Variants in CRHR1 observed in about 807,000 individuals in gnomAD.
The protein encoded by CRHR1 is corticotropin-releasing hormone receptor 1.
In CRHR1, 28 loss-of-function variants were observed where a neutral mutation model predicts 56.0. That is an observed-to-expected ratio of 0.50 (90% CI 0.37 to 0.69). CRHR1 has a LOEUF of 0.69. Among genes scored for constraint, CRHR1 ranks in the 30% least tolerant of loss-of-function variants. CRHR1 has a pLI of 0.00. For missense variants in CRHR1, 376 were observed against 548.0 expected, an observed-to-expected ratio of 0.69 and a Z score of 3.13; for synonymous variants, 195 against 216.5, an observed-to-expected ratio of 0.90 and a Z score of 0.87.
intron 2 of CRHR1, 96 bp from the exon 3 acceptor site, chr17:45,816,367 G>C: frequency 6.5e-7 from 1 of 1,528,552 alleles, no homozygotes; most frequent in Non-Finnish European, 8.8e-7. Context: ...GAGTGGGAAC[G>C]AGTGGGGAGG....
intron 2 of CRHR1, among the ~76,000 whole-genome samples, chr17:45,811,855 C>G (rs1468599722): frequency 1.3e-5 from 2 of 152,186 alleles, no homozygotes; most frequent in Non-Finnish European, 2.9e-5. Flanking sequence ...CACTGGTTAA[C>G]AGAAATGTGT....
intron 1 of CRHR1, among the ~76,000 whole-genome samples, chr17:45,794,464 G>T (rs920572848): frequency 3.3e-5 from 5 of 152,226 alleles, no homozygotes; most frequent in African/African-American, 1.2e-4. Flanking sequence ...CACACAGCCT[G>T]CCCCTCCTGC....
chr17:45,799,086 C>T (rs978174619), intron 1 of CRHR1, among the ~76,000 whole-genome samples: 2 of 152,206 alleles, frequency 1.3e-5, no homozygotes, highest in Admixed American at 6.5e-5. Context: ...AGAAAGGACC[C>T]CTGGCATCTC....
At chr17:45,830,276 G>C in intron 6 of CRHR1, 62 bp downstream of exon 6, 2 of 1,237,188 alleles carry the variant, frequency 1.6e-6, no homozygotes, top group East Asian at 4.5e-5. Flanking sequence ...GGAGGGGCCC[G>C]CCTGCCCTGC....
At chr17:45,808,107 C>T (rs551737358) in intron 2 of CRHR1, among the ~76,000 whole-genome samples, 20 of 152,334 alleles carry the variant, frequency 1.3e-4, no homozygotes, top group Middle Eastern at 6.8e-3. Context: ...GCACCTACTA[C>T]ACAGCAGGCC....
rs752747335 is a variant in CRHR1, at chr17:45,830,407, G to C, written c.556-10G>C. ...CCCATCATCATCTCTGGTTGGGGGT[G>C]GGGTGGCAGGGCTGGTGCAGGTTGG... On this transcript the variant is annotated splice_polypyrimidine_tract_variant and intron_variant, in intron 6 of 12. Transcript: ENST00000314537. 1 of 1,599,606 alleles carries C rather than the reference G, an allele frequency of 6.3e-7. No individual in the cohort carries two copies.
chr17:45,824,445 A>G (rs1445426540), intron 4 of CRHR1, among the ~76,000 whole-genome samples: 1 of 152,074 alleles, frequency 6.6e-6, no homozygotes, highest in Non-Finnish European at 1.5e-5. Flanking sequence ...CTCCTGCTCT[A>G]TTGCAAGCCC....
chr17:45,796,883 C>A (rs949726956), intron 1 of CRHR1, among the ~76,000 whole-genome samples: 2 of 152,108 alleles, frequency 1.3e-5, no homozygotes, highest in Non-Finnish European at 2.9e-5. Context: ...AGGCAGGAGG[C>A]CGAGAAGGCA....
At chr17:45,786,752 C>T (rs915189237) in intron 1 of CRHR1, among the ~76,000 whole-genome samples, 2 of 151,780 alleles carry the variant, frequency 1.3e-5, no homozygotes, top group Non-Finnish European at 2.9e-5. Context: ...GTGATCCTCC[C>T]ACCCCAGCCT....
At chr17:45,803,164 G>T (rs541216341) in intron 1 of CRHR1, among the ~76,000 whole-genome samples, 1 of 152,302 alleles carries the variant, frequency 6.6e-6, no homozygotes, top group Non-Finnish European at 1.5e-5. Flanking sequence ...GGCACAGACT[G>T]CATGGGCAGA....
chr17:45,816,737 G>A (rs1035415333), intron 3 of CRHR1, among the ~76,000 whole-genome samples, 155 bp downstream of exon 3: 4 of 152,222 alleles, frequency 2.6e-5, no homozygotes, highest in African/African-American at 9.6e-5. Context: ...GTATTCTCCT[G>A]GGTGCCCTGT....
chr17:45,790,264 AT>A (rs567368854), intron 1 of CRHR1, among the ~76,000 whole-genome samples: 95 of 152,354 alleles, frequency 6.2e-4, no homozygotes, highest in African/African-American at 2.2e-3. Context: ...GCAAACAATC[AT>A]TTTGAAAATA....
chr17:45,833,820 T>C lies in CRHR1; in HGVS notation c.1036T>C (p.Tyr346His). 6.2e-7 allele frequency: 1 copy of C among 1,613,718 alleles called. No homozygotes were observed. Among genetic ancestry groups the C allele is most frequent in the Non-Finnish European group, 8.5e-7 (1 of 1,179,948 alleles). ...TGAGGTCTCCCGGGTCGTCTTCATCTACTTCAACTCCTTCCTGGAATCCTT... is the reference window on the plus strand; with the variant it reads ...TGAGGTCTCCCGGGTCGTCTTCATCCACTTCAACTCCTTCCTGGAATCCTT... ...EDEVSRVVFIYFNSFLESFQG... is the reference protein window; with the variant it reads ...EDEVSRVVFIHFNSFLESFQG... Residue 346 changes from tyrosine (Y) to histidine (H), a missense_variant, in exon 11 of 13, where the codon TAC becomes CAC. Coordinates refer to ENST00000314537, the MANE Select transcript of CRHR1 (RefSeq NM_004382.5).
intron 4 of CRHR1, among the ~76,000 whole-genome samples, chr17:45,822,927 C>T (rs1482751693): frequency 2.0e-5 from 3 of 151,110 alleles, no homozygotes; most frequent in Non-Finnish European, 4.4e-5. Flanking sequence ...AGGCAGATCA[C>T]GAGGTCAGGA....
chr17:45,815,422 G>GCA (rs376946954), intron 2 of CRHR1, among the ~76,000 whole-genome samples: 1 of 151,966 alleles, frequency 6.6e-6, no homozygotes, highest in Non-Finnish European at 1.5e-5. Flanking sequence ...TCTCTCTCGC[G>GCA]TGCTCTCTCT....
At chr17:45,801,659 G>A (rs1026563027) in intron 1 of CRHR1, among the ~76,000 whole-genome samples, 3 of 152,110 alleles carry the variant, frequency 2.0e-5, no homozygotes, top group Non-Finnish European at 2.9e-5. Context: ...CTTCAGTGCC[G>A]TTTTGATTTT....
intron 3 of CRHR1, among the ~76,000 whole-genome samples, chr17:45,820,273 G>A (rs545039330): frequency 2.0e-3 from 310 of 152,312 alleles, no homozygotes; most frequent in African/African-American, 7.1e-3. Flanking sequence ...AGCATGTTTA[G>A]AGCTACTGAT....
intron 9 of CRHR1, 46 bp downstream of exon 9, chr17:45,833,256 G>C (rs1259790005): frequency 6.3e-7 from 1 of 1,589,216 alleles, no homozygotes; most frequent in South Asian, 1.1e-5. Context: ...GTGGGGAGGG[G>C]CAATCAGTGC....
intron 1 of CRHR1, among the ~76,000 whole-genome samples, chr17:45,805,700 G>C (rs1173671693): frequency 2.6e-5 from 4 of 152,116 alleles, no homozygotes; most frequent in African/African-American, 9.7e-5. Context: ...GAACTCTGCT[G>C]GTGGCCGGGC....
Sources: gnomAD v4.1 joint callset for allele counts (sites outside exome capture counted in the v4.1 genomes callset) on GRCh38, gnomAD v4.1.1 for gene constraint, MANE v1.5 for transcripts, NCBI Gene and HGNC (gene_info 2026-07-23, HGNC 2026-07-21) for gene names.